TRPM3: variants seen among roughly 807,000 people sequenced by gnomAD.
The protein encoded by TRPM3 is transient receptor potential cation channel subfamily M member 3.
TRPM3 carries 77 observed loss-of-function variants against 181.2 expected under a neutral mutation model. That is an observed-to-expected ratio of 0.42 (90% CI 0.35 to 0.51). TRPM3 has a LOEUF of 0.51. TRPM3 is among the 20% of genes least tolerant of loss of function. TRPM3 has a pLI of 0.01. For missense variants in TRPM3, 1,759 were observed against 2,196.7 expected (o/e 0.80, Z 3.98); for synonymous variants, 745 against 796.4 (o/e 0.94, Z 1.09).
rs200184608 is a variant in TRPM3, at chr9:70,743,973, G to T, written c.1272+17628C>A. On this transcript the variant is annotated intron_variant, in intron 8 of 25. Coordinates refer to ENST00000677713, the MANE Select transcript of TRPM3 (RefSeq NM_001366145.2). ...GGAATATGGCTGAAAAAGGCCAGAG[G>T]TATTAAAATTCTATGTGTGTTCATT... 2.6e-5 allele frequency among the ~76,000 whole-genome samples: 4 copies of T among 152,166 alleles called. No individual in the cohort carries two copies. In the East Asian group the frequency reaches 7.7e-4, roughly 29 times the overall value.
chr9:70,569,511 C>T (rs2051630425), intron 22 of TRPM3, among the ~76,000 whole-genome samples: 1 of 152,114 alleles, frequency 6.6e-6, no homozygotes, highest in East Asian at 1.9e-4. Flanking sequence ...TGACGGTTGC[C>T]ATGGATATGC....
intron 7 of TRPM3, chr9:70,776,604 A>AT (rs1265436241): frequency 3.7e-6 from 2 of 546,232 alleles, no homozygotes; most frequent in African/African-American, 2.0e-5. Context: ...CAAAATGAGT[A>AT]TTTTTATGGC....
At chr9:71,153,862 C>T (rs1309700708) in intron 1 of TRPM3, among the ~76,000 whole-genome samples, 1 of 152,122 alleles carries the variant, frequency 6.6e-6, no homozygotes, top group East Asian at 1.9e-4. Context: ...CAGTGAGCAT[C>T]TTCCTTTTTT....
rs374767181 is a variant in TRPM3 at position 70,762,285 on chromosome 9, G to A, written c.1149-561C>T. On this transcript the variant is annotated intron_variant, in intron 7 of 25. Transcript: ENST00000677713. ...TATGATTTAGGTATTCATTATTTAC[G>A]TCAAGCTTTTGTTCTGTTACAGTGA... Among the ~76,000 whole-genome samples the A allele has an allele frequency of 3.9e-5, 6 of 152,244 alleles. No homozygotes were observed. The South Asian group carries it at 1.0e-3, about 26-fold the overall frequency.
At chr9:71,372,194 T>C (rs779454416) in intron 1 of TRPM3, among the ~76,000 whole-genome samples, 1 of 152,194 alleles carries the variant, frequency 6.6e-6, no homozygotes, top group Non-Finnish European at 1.5e-5. Context: ...CTCCATTATA[T>C]ATATGTATTA....
At chr9:70,747,964 G>A (rs976075454) in intron 8 of TRPM3, among the ~76,000 whole-genome samples, 2 of 151,958 alleles carry the variant, frequency 1.3e-5, no homozygotes, top group African/African-American at 4.8e-5. Context: ...GGTAATTGAA[G>A]TCACAATAGT....
chr9:70,739,596 T>G (rs1234839832), intron 8 of TRPM3, among the ~76,000 whole-genome samples: 2 of 151,904 alleles, frequency 1.3e-5, no homozygotes, highest in African/African-American at 2.4e-5. Context: ...TTTTTATTAT[T>G]TATTTTTTTT....
At chr9:71,278,007 G>C (rs1270907963) in intron 1 of TRPM3, among the ~76,000 whole-genome samples, 1 of 152,164 alleles carries the variant, frequency 6.6e-6, no homozygotes, top group East Asian at 1.9e-4. Context: ...AGCACATTTT[G>C]TTCTAGTGGT....
chr9:70,894,310 C>G (rs1327088405), intron 1 of TRPM3, among the ~76,000 whole-genome samples: 1 of 152,130 alleles, frequency 6.6e-6, no homozygotes, highest in African/African-American at 2.4e-5. Flanking sequence ...GGAGCATAGT[C>G]AGGATTAGGA....
intron 6 of TRPM3, among the ~76,000 whole-genome samples, chr9:70,809,224 TA>T (rs11284634): frequency 0.01 from 1,526 of 152,318 alleles, 32 homozygotes; most frequent in African/African-American, 0.035. Context: ...TTTAAAACGT[TA>T]AAAAGTTTAC....
At chr9:70,828,288 A>G (rs10868896) in intron 5 of TRPM3, among the ~76,000 whole-genome samples, 32,985 of 152,172 alleles carry the variant, frequency 0.22, 4,427 homozygotes, top group Non-Finnish European at 0.29. Context: ...GTACTAAAAA[A>G]CTGGCATGCC....
intron 8 of TRPM3, among the ~76,000 whole-genome samples, chr9:70,696,391 T>C (rs1347816681): frequency 2.6e-5 from 4 of 152,184 alleles, no homozygotes; most frequent in Non-Finnish European, 5.9e-5. Context: ...ACATCCTCAG[T>C]CTTACCAGTA....
intron 1 of TRPM3, among the ~76,000 whole-genome samples, chr9:71,333,766 TAATA>T (rs779092235): frequency 5.3e-5 from 8 of 151,852 alleles, no homozygotes; most frequent in African/African-American, 1.9e-4. Context: ...GAAATAGAGA[TAATA>T]AATACTGTTG....
chr9:71,398,838 T>C (rs565917489), intron 1 of TRPM3, among the ~76,000 whole-genome samples: 2 of 152,298 alleles, frequency 1.3e-5, no homozygotes, highest in South Asian at 4.1e-4. Flanking sequence ...ACACAGGTTA[T>C]GAACAGGCAA....
chr9:71,279,913 A>G lies in TRPM3; in HGVS notation c.183+166740T>C, dbSNP rs561281129. On this transcript the variant is annotated intron_variant, in intron 1 of 24. Transcript: ENST00000357533. ...ACCAACATGGTGAAACCCCATCTCT[A>G]CTAAAAAATACAAAAATTAGCCAGG... Among the ~76,000 whole-genome samples the G allele has an allele frequency of 3.3e-5, 5 of 152,196 alleles. No individual in the cohort carries two copies. In the East Asian group the frequency reaches 9.7e-4, roughly 29 times the overall value.
intron 4 of TRPM3, among the ~76,000 whole-genome samples, chr9:70,845,335 G>A (rs1233898842): frequency 6.6e-6 from 1 of 152,078 alleles, no homozygotes; most frequent in Non-Finnish European, 1.5e-5. Context: ...CACCTCCCAG[G>A]TTCAAGCAAT....
intron 3 of TRPM3, among the ~76,000 whole-genome samples, chr9:70,852,528 C>T (rs1026957251): frequency 6.6e-5 from 10 of 152,148 alleles, no homozygotes; most frequent in Non-Finnish European, 1.5e-5. Flanking sequence ...TCAACCAGTT[C>T]CTTTTCTCTA....
chr9:70,918,976 A>G (rs1368838874), intron 1 of TRPM3, among the ~76,000 whole-genome samples: 1 of 152,162 alleles, frequency 6.6e-6, no homozygotes, highest in African/African-American at 2.4e-5. Flanking sequence ...CTCATAGCAG[A>G]TAAGTTTTGC....
At chr9:70,554,531 C>G (rs2047197025) in intron 22 of TRPM3, among the ~76,000 whole-genome samples, 1 of 152,174 alleles carries the variant, frequency 6.6e-6, no homozygotes, top group South Asian at 2.1e-4. Flanking sequence ...TCAACCCTGG[C>G]TGCCCTGGGG....
Sources: gnomAD v4.1 joint callset for allele counts (sites outside exome capture counted in the v4.1 genomes callset) on GRCh38, gnomAD v4.1.1 for gene constraint, MANE v1.5 for transcripts, NCBI Gene and HGNC (gene_info 2026-07-23, HGNC 2026-07-21) for gene names.